Variants in CNIH3 observed in about 807,000 individuals in gnomAD.
CNIH3 encodes the protein protein cornichon homolog 3.
CNIH3 carries 14 observed loss-of-function variants against 24.1 expected under a neutral mutation model. The ratio of observed to expected loss-of-function variants is 0.58; its 90% CI spans 0.38 to 0.91. CNIH3 has a LOEUF of 0.91. CNIH3 is among the 40% of genes least tolerant of loss of function. CNIH3 has a pLI of 0.00. For synonymous variants in CNIH3, 68 were observed against 73.8 expected, an observed-to-expected ratio of 0.92 and a Z score of 0.40; for missense variants, 178 against 196.8, an observed-to-expected ratio of 0.90 and a Z score of 0.57.
intron 4 of CNIH3, 49 bp from the exon 5 acceptor site, chr1:224,734,514 G>A (rs368742963): frequency 1.4e-5 from 22 of 1,599,428 alleles, no homozygotes; most frequent in African/African-American, 5.4e-5. Flanking sequence ...CCCAGGTTAC[G>A]CCAGAAGTAC....
At chr1:224,547,130 A>T (rs1038483653) in intron 3 of CNIH3, among the ~76,000 whole-genome samples, 1 of 152,240 alleles carries the variant, frequency 6.6e-6, no homozygotes, top group African/African-American at 2.4e-5. Flanking sequence ...ACAACTGGAG[A>T]TGTTCCAGCT....
chr1:224,723,416 AG>A (rs1300231199), intron 3 of CNIH3, among the ~76,000 whole-genome samples: 3 of 152,194 alleles, frequency 2.0e-5, no homozygotes, highest in African/African-American at 7.2e-5. Context: ...AAGAAGCAAC[AG>A]GAACATCCAC....
At chr1:224,702,356 G>A (rs1687542610) in intron 3 of CNIH3, among the ~76,000 whole-genome samples, 2 of 152,196 alleles carry the variant, frequency 1.3e-5, no homozygotes, top group African/African-American at 4.8e-5. Context: ...TTATATCCCA[G>A]GAGTGGGATC....
rs182863768 is a variant in CNIH3, at chr1:224,623,420, G to C, written c.81+6165G>C. ...TCTCTTCTCTCACCCCAGGTACCCG[G>C]GAGCTGCTGGGTCCCAGGCGGATGC... On this transcript the variant is annotated intron_variant, in intron 1 of 5. Transcript: ENST00000272133. Among the ~76,000 whole-genome samples, 48 of 152,200 alleles carry C rather than the reference G, an allele frequency of 3.2e-4. No homozygotes were observed. The East Asian group carries it at 4.5e-3, about 14-fold the overall frequency.
At chr1:224,738,900 A>G (rs1572848631) in intron 5 of CNIH3, among the ~76,000 whole-genome samples, 1 of 152,234 alleles carries the variant, frequency 6.6e-6, no homozygotes, top group Middle Eastern at 3.4e-3. Flanking sequence ...TTCCCCCAGC[A>G]CTACCGTATT....
intron 1 of CNIH3, among the ~76,000 whole-genome samples, chr1:224,667,323 C>T (rs1027323015): frequency 2.0e-5 from 3 of 152,052 alleles, no homozygotes; most frequent in Non-Finnish European, 2.9e-5. Flanking sequence ...AAAATGAGTG[C>T]AATTGATTTT....
At chr1:224,619,463 G>C (rs192146638) in intron 1 of CNIH3, among the ~76,000 whole-genome samples, 1 of 152,130 alleles carries the variant, frequency 6.6e-6, no homozygotes, top group East Asian at 1.9e-4. Context: ...TTCAAATTAC[G>C]GTAATAATTT....
intron 3 of CNIH3, among the ~76,000 whole-genome samples, chr1:224,724,410 C>A (rs1161841878): frequency 6.6e-6 from 1 of 152,166 alleles, no homozygotes; most frequent in African/African-American, 2.4e-5. Flanking sequence ...ATGTGGCCTC[C>A]TGAGAGCAAA....
At chr1:224,495,995 A>G (rs545451415) in intron 1 of CNIH3, among the ~76,000 whole-genome samples, 2 of 152,280 alleles carry the variant, frequency 1.3e-5, no homozygotes, top group Middle Eastern at 3.4e-3. Flanking sequence ...GCAGTAAGAT[A>G]TGCTCTTTTC....
chr1:224,594,777 G>C (rs945231547), intron 3 of CNIH3, among the ~76,000 whole-genome samples: 3 of 152,180 alleles, frequency 2.0e-5, no homozygotes, highest in Non-Finnish European at 4.4e-5. Flanking sequence ...ATTGCTTCTT[G>C]TAGTGTGCAG....
At chr1:224,524,887 C>T (rs748909002) in intron 2 of CNIH3, among the ~76,000 whole-genome samples, 13 of 152,076 alleles carry the variant, frequency 8.5e-5, no homozygotes, top group Non-Finnish European at 1.2e-4. Flanking sequence ...GGAGCCCAAG[C>T]GATGAGATCA....
At chr1:224,608,063 C>T (rs1682508811) in intron 3 of CNIH3, among the ~76,000 whole-genome samples, 1 of 152,122 alleles carries the variant, frequency 6.6e-6, no homozygotes, top group Non-Finnish European at 1.5e-5. Context: ...CTTGCCTCTT[C>T]AGAAGAAATA....
At chr1:224,520,769 C>T (rs928628773) in intron 1 of CNIH3, among the ~76,000 whole-genome samples, 1 of 152,172 alleles carries the variant, frequency 6.6e-6, no homozygotes, top group African/African-American at 2.4e-5. Flanking sequence ...TATTCCTTGC[C>T]TGCCACAGCT....
At chr1:224,617,955 C>A (rs1181065203) in intron 1 of CNIH3, among the ~76,000 whole-genome samples, 3 of 152,184 alleles carry the variant, frequency 2.0e-5, no homozygotes, top group Admixed American at 2.0e-4. Context: ...CCTGAAGACC[C>A]CCTGCAGGTG....
intron 3 of CNIH3, among the ~76,000 whole-genome samples, chr1:224,695,052 A>C (rs1446007197): frequency 2.0e-5 from 3 of 152,190 alleles, no homozygotes; most frequent in Non-Finnish European, 2.9e-5. Flanking sequence ...TATCCATGTA[A>C]CCAAACACCA....
At position 224,528,780 on chromosome 1, in the gene CNIH3, G is replaced by T. The variant is rs989061550; in HGVS notation, n.343+7453G>T. ...ATAAAGACAAATTCATTTTTAAAAAGAATTACCTGAAACCTATGAACAATA... is the reference window on the plus strand; with the variant it reads ...ATAAAGACAAATTCATTTTTAAAAATAATTACCTGAAACCTATGAACAATA... On this transcript the variant is annotated intron_variant and non_coding_transcript_variant, in intron 2 of 2. Coordinates refer to the CNIH3 transcript ENST00000470602. Among the ~76,000 whole-genome samples, 64 of 152,152 alleles carry T rather than the reference G, an allele frequency of 4.2e-4. 1 individual carries two copies. The highest frequency in any genetic ancestry group is 4.4e-5 in the Non-Finnish European group (3 of 68,028).
At chr1:224,596,788 A>T (rs1681998689) in intron 3 of CNIH3, among the ~76,000 whole-genome samples, 1 of 152,202 alleles carries the variant, frequency 6.6e-6, no homozygotes, top group Non-Finnish European at 1.5e-5. Flanking sequence ...AACAGCTCAG[A>T]GTGATAAAGG....
upstream of CNIH3, among the ~76,000 whole-genome samples, chr1:224,612,886 C>G (rs577545177): frequency 6.6e-6 from 1 of 152,128 alleles, no homozygotes; most frequent in African/African-American, 2.4e-5. This position sits in a 1 kb window ranked among gnomAD's most constrained non-coding sequence, Gnocchi z 4.7. Context: ...AAGAAATGAT[C>G]TATATAAAAT....
intron 1 of CNIH3, among the ~76,000 whole-genome samples, chr1:224,444,912 G>C (rs1267589738): frequency 6.6e-6 from 1 of 150,968 alleles, no homozygotes; most frequent in Non-Finnish European, 1.5e-5. Context: ...CAAAGTGCTG[G>C]GATTACAGGC....
Sources: gnomAD v4.1 joint callset for allele counts (sites outside exome capture counted in the v4.1 genomes callset) on GRCh38, gnomAD v4.1.1 for gene constraint, Gnocchi (gnomAD v3.1) non-coding constraint, MANE v1.5 for transcripts, NCBI Gene and HGNC (gene_info 2026-07-23, HGNC 2026-07-21) for gene names.